LHFPL3: variants seen among roughly 807,000 people sequenced by gnomAD.
LHFPL3 encodes the protein LHFPL tetraspan subfamily member 3.
A neutral mutation model predicts 19.3 loss-of-function variants in LHFPL3; 5 were observed. That is an observed-to-expected ratio of 0.26 (90% confidence interval 0.14 to 0.54). LHFPL3 has a LOEUF of 0.54. Ranked by LOEUF, LHFPL3 falls within the 20% of genes least tolerant of loss-of-function variation. The pLI is 0.94. For synonymous variants in LHFPL3, 133 were observed against 126.2 expected (o/e 1.05, Z -0.36); for missense variants, 249 against 307.4 (o/e 0.81, Z 1.42).
At chr7:104,795,681 G>A (rs1389314394) in intron 2 of LHFPL3, among the ~76,000 whole-genome samples, 1 of 152,170 alleles carries the variant, frequency 6.6e-6, no homozygotes, top group Non-Finnish European at 1.5e-5. Context: ...CAGGTCTTCT[G>A]TGGTATAAAT....
In LHFPL3 at chr7:104,396,351, G is replaced by A. The variant is rs550968314; in HGVS notation, c.445+67127G>A. ...GGATGGCAAAAAAGGACACAAAATAGCAATGACACAAGAGACATGAAAGCC... is the reference window on the plus strand; with the variant it reads ...GGATGGCAAAAAAGGACACAAAATAACAATGACACAAGAGACATGAAAGCC... On this transcript the variant is annotated intron_variant, in intron 1 of 2. Coordinates refer to ENST00000424859, the MANE Select transcript of LHFPL3 (RefSeq NM_199000.3). Among the ~76,000 whole-genome samples the A allele has an allele frequency of 3.3e-5, 5 of 152,250 alleles. No individual in the cohort carries two copies. In the East Asian group the frequency reaches 7.7e-4, roughly 24 times the overall value.
chr7:104,666,633 T>C (rs369317075), intron 1 of LHFPL3, among the ~76,000 whole-genome samples: 1 of 143,006 alleles, frequency 7.0e-6, no homozygotes. Flanking sequence ...GCCATTCTCC[T>C]GCCTCAGCCT....
chr7:104,398,313 G>GCCTCCATC (rs1791235403), intron 1 of LHFPL3, among the ~76,000 whole-genome samples: 1 of 152,118 alleles, frequency 6.6e-6, no homozygotes, highest in Admixed American at 6.5e-5. Flanking sequence ...CAGGCTCCAG[G>GCCTCCATC]CCTCCATCCC....
chr7:104,801,502 A>G (rs963471042), intron 2 of LHFPL3, among the ~76,000 whole-genome samples: 4 of 152,128 alleles, frequency 2.6e-5, no homozygotes, highest in African/African-American at 9.7e-5. Flanking sequence ...GAAGAGACTG[A>G]TATTTCTCTA....
intron 2 of LHFPL3, among the ~76,000 whole-genome samples, chr7:104,760,909 A>G (rs2116370149): frequency 7.1e-6 from 1 of 140,286 alleles, no homozygotes; most frequent in South Asian, 2.4e-4. Flanking sequence ...TTCTGCCCCA[A>G]CTCCCAAACC....
At chr7:104,621,306 G>T (rs565232314) in intron 1 of LHFPL3, among the ~76,000 whole-genome samples, 3 of 152,272 alleles carry the variant, frequency 2.0e-5, no homozygotes, top group African/African-American at 7.2e-5. Context: ...TATGAGAGAG[G>T]TTTCACTGAA....
At chr7:104,340,510 A>G (rs1168270804) in intron 1 of LHFPL3, among the ~76,000 whole-genome samples, 1 of 152,226 alleles carries the variant, frequency 6.6e-6, no homozygotes, top group Non-Finnish European at 1.5e-5. Flanking sequence ...GATTACTGTT[A>G]CTATTCCTAC....
intron 1 of LHFPL3, among the ~76,000 whole-genome samples, chr7:104,329,427 C>T (rs1282407625): frequency 6.6e-6 from 1 of 152,214 alleles, no homozygotes; most frequent in Non-Finnish European, 1.5e-5. Flanking sequence ...CGCCTCGTCC[C>T]GGGGCTTTCG....
chr7:104,657,277 TG>T (rs1368101296), intron 1 of LHFPL3, among the ~76,000 whole-genome samples: 2 of 152,230 alleles, frequency 1.3e-5, no homozygotes, highest in Non-Finnish European at 2.9e-5. Flanking sequence ...TCAGACCAAA[TG>T]AAATGCTGCT....
At chr7:104,724,613 G>C (rs1793557296) in intron 1 of LHFPL3, among the ~76,000 whole-genome samples, 1 of 152,180 alleles carries the variant, frequency 6.6e-6, no homozygotes, top group Admixed American at 6.5e-5. Context: ...TCAGAGGGTG[G>C]AGGGTGGGAG....
intron 1 of LHFPL3, among the ~76,000 whole-genome samples, chr7:104,586,530 T>C (rs1478876613): frequency 1.3e-5 from 2 of 152,162 alleles, no homozygotes; most frequent in Non-Finnish European, 2.9e-5. Context: ...TAACTTTCAA[T>C]AAAATACATT....
At chr7:104,671,995 T>C (rs1792491918) in intron 1 of LHFPL3, among the ~76,000 whole-genome samples, 1 of 152,150 alleles carries the variant, frequency 6.6e-6, no homozygotes, top group Non-Finnish European at 1.5e-5. Flanking sequence ...TGCAAGCAAG[T>C]AGGAGAAGGT....
At chr7:104,755,527 CTG>C (rs1562983760) in intron 2 of LHFPL3, among the ~76,000 whole-genome samples, 1 of 152,062 alleles carries the variant, frequency 6.6e-6, no homozygotes, top group African/African-American at 2.4e-5. Context: ...GTCTCTCTGT[CTG>C]TCTGTCTGTC....
At chr7:104,424,929 C>T (rs767179388) in intron 1 of LHFPL3, among the ~76,000 whole-genome samples, 4 of 141,440 alleles carry the variant, frequency 2.8e-5, no homozygotes, top group African/African-American at 5.4e-5. Context: ...TTGCAGTGAG[C>T]GGAGATCACG....
At chr7:104,469,958 C>G (rs6949376) in intron 1 of LHFPL3, 176,199 of 453,918 alleles carry the variant, frequency 0.39, 37,219 homozygotes, top group African/African-American at 0.59. Flanking sequence ...GAAAACTGTA[C>G]GGAAATAGGT....
At chr7:104,573,975 G>C (rs753011344) in intron 1 of LHFPL3, among the ~76,000 whole-genome samples, 1 of 152,124 alleles carries the variant, frequency 6.6e-6, no homozygotes, top group Non-Finnish European at 1.5e-5. Context: ...GGCAGAGAGT[G>C]GAATGATTGA....
intron 1 of LHFPL3, among the ~76,000 whole-genome samples, chr7:104,681,621 C>A (rs1445739646): frequency 6.3e-5 from 9 of 143,920 alleles, no homozygotes; most frequent in African/African-American, 1.3e-4. Context: ...GACTAAGGCT[C>A]AAAAAAAAAA....
chr7:104,356,165 C>T (rs970222593), intron 1 of LHFPL3, among the ~76,000 whole-genome samples: 1 of 152,158 alleles, frequency 6.6e-6, no homozygotes. Context: ...AGTGACTTTT[C>T]CAGGTTTGGT....
intron 2 of LHFPL3, among the ~76,000 whole-genome samples, chr7:104,779,257 A>C (rs2116418472): frequency 6.6e-6 from 1 of 152,380 alleles, no homozygotes; most frequent in Non-Finnish European, 1.5e-5. Flanking sequence ...GCATGTCAGC[A>C]GTGTGTGATG....
Sources: gnomAD v4.1 joint callset for allele counts (sites outside exome capture counted in the v4.1 genomes callset) on GRCh38, gnomAD v4.1.1 for gene constraint, MANE v1.5 for transcripts, NCBI Gene and HGNC (gene_info 2026-07-23, HGNC 2026-07-21) for gene names.